The following MGA variants were observed in gnomAD, a reference collection of about 807,000 sequenced individuals.
The protein encoded by MGA is MAX gene-associated protein.
In MGA, 40 loss-of-function variants were observed where a neutral mutation model predicts 261.1. The observed-to-expected ratio is 0.15, with a 90% confidence interval of 0.12 to 0.20. The LOEUF is 0.20. Among genes scored for constraint, MGA ranks in the 10% least tolerant of loss-of-function variants. MGA has a pLI of 1.00. For synonymous variants in MGA, 1,302 were observed against 1,290.6 expected (o/e 1.01, Z -0.19); for missense variants, 3,397 against 3,630.5 (o/e 0.94, Z 1.65).
chr15:41,682,242 T>G (rs1264877383), intron 2 of MGA, among the ~76,000 whole-genome samples: 3 of 151,910 alleles, frequency 2.0e-5, no homozygotes, highest in Admixed American at 2.0e-4. Flanking sequence ...TAATAAAATC[T>G]TTTGGTTCAT....
intron 7 of MGA, among the ~76,000 whole-genome samples, chr15:41,709,293 A>T (rs2060266813): frequency 6.6e-6 from 1 of 152,000 alleles, no homozygotes; most frequent in African/African-American, 2.4e-5. Flanking sequence ...GGCTGCAGTG[A>T]GCCAAGATCA....
intron 2 of MGA, among the ~76,000 whole-genome samples, chr15:41,689,813 A>G (rs1242145279): frequency 6.6e-6 from 1 of 151,914 alleles, no homozygotes. Context: ...TGATCTGTCC[A>G]CCTCAGCCTC....
chr15:41,762,468 T>TTG, intron 22 of MGA, 106 bp downstream of exon 22: 1 of 577,648 alleles, frequency 1.7e-6, no homozygotes, highest in South Asian at 2.8e-5. Context: ...GTGGTTTTTT[T>TTG]TTTTTTTTTT....
At chr15:41,757,919 T>C in intron 19 of MGA, 80 bp downstream of exon 19, 5 of 1,241,278 alleles carry the variant, frequency 4.0e-6, no homozygotes, top group Non-Finnish European at 4.6e-6. Flanking sequence ...CAACATTAGC[T>C]ATATTAGCCA....
chr15:41,721,986 C>T (rs940746563), intron 9 of MGA, among the ~76,000 whole-genome samples: 1 of 151,926 alleles, frequency 6.6e-6, no homozygotes, highest in Admixed American at 6.6e-5. Context: ...AAATAACATA[C>T]CACAGTGAAA....
intron 18 of MGA, among the ~76,000 whole-genome samples, chr15:41,756,042 A>G (rs1445096049): frequency 6.6e-6 from 1 of 152,238 alleles, no homozygotes; most frequent in East Asian, 1.9e-4. Flanking sequence ...AGATTTAATT[A>G]GATTTGTTTA....
At chr15:41,636,507 C>G (rs148270471) in intron 1 of MGA, among the ~76,000 whole-genome samples, 2,133 of 149,112 alleles carry the variant, frequency 0.014, 38 homozygotes, top group South Asian at 0.068. Context: ...GTTGCCCAGG[C>G]TGGAGTACAG....
chr15:41,644,565 T>C (rs2056896512), intron 1 of MGA, among the ~76,000 whole-genome samples: 1 of 151,602 alleles, frequency 6.6e-6, no homozygotes, highest in Admixed American at 6.6e-5. Flanking sequence ...TGCTGAGACA[T>C]GAGAATCACT....
Position 41,748,833 on chromosome 15 carries a change from C to T in MGA, c.5409C>T (p.His1803=), listed in dbSNP as rs768321882. Reference sequence around the variant, plus strand: ...CAAGTGGAATGAACTTATTCAGGCACCCTAATGGGCAGATTGTCCAGCTTC... The same window carrying T: ...CAAGTGGAATGAACTTATTCAGGCATCCTAATGGGCAGATTGTCCAGCTTC... Residue 1803 remains histidine, a synonymous_variant, in exon 16 of 24, where the codon CAC becomes CAT. Transcript: ENST00000219905. 4 of 1,613,812 alleles carry T rather than the reference C, an allele frequency of 2.5e-6. No homozygotes were observed. The highest frequency in any genetic ancestry group is 2.2e-5 in the South Asian group (2 of 91,082).
At position 41,736,570 on chromosome 15, in the gene MGA, G is replaced by A; in HGVS notation, c.4306G>A (p.Ala1436Thr). The change falls in exon 13 of 24, where the codon GCC becomes ACC. Residue 1436 changes from alanine (A) to threonine (T), a missense_variant. Physicochemically the swap from Ala to Thr is moderately conservative, Grantham distance 58. Around this residue, in one of 9 missense-constraint regions of MGA, gnomAD observed 1,410 missense variants for 1,386.4 expected, o/e 1.02. Coordinates refer to ENST00000219905, the MANE Select transcript of MGA (RefSeq NM_001164273.2). ...GGATATCTCTCCTGTGCAGACAGATGCCCTGGATTCAGTGAGGGAGAGATT... is the reference window on the plus strand; with the variant it reads ...GGATATCTCTCCTGTGCAGACAGATACCCTGGATTCAGTGAGGGAGAGATT... 2 of 1,614,030 alleles carry A rather than the reference G, an allele frequency of 1.2e-6. No individual in the cohort carries two copies. The highest frequency in any genetic ancestry group is 1.7e-6 in the Non-Finnish European group (2 of 1,179,902).
At chr15:41,697,108 T>C in intron 3 of MGA, 85 bp downstream of exon 3, 1 of 1,162,660 alleles carries the variant, frequency 8.6e-7, no homozygotes, top group Non-Finnish European at 1.2e-6. Flanking sequence ...CGATTTACAA[T>C]CTAGTTTTGT....
intron 6 of MGA, 74 bp from the exon 7 acceptor site, chr15:41,708,030 T>G: frequency 7.2e-7 from 1 of 1,387,170 alleles, no homozygotes; most frequent in Admixed American, 2.6e-5. Context: ...CAAATTAAAG[T>G]TTTATTAATT....
intron 4 of MGA, 43 bp from the exon 5 acceptor site, chr15:41,699,021 A>G: frequency 1.3e-6 from 2 of 1,565,136 alleles, no homozygotes; most frequent in South Asian, 2.3e-5. Flanking sequence ...ATTTGTCTGT[A>G]GTGTACAGTA....
intron 1 of MGA, among the ~76,000 whole-genome samples, chr15:41,621,884 C>T (rs1371477229): frequency 1.3e-5 from 2 of 152,114 alleles, no homozygotes; most frequent in Non-Finnish European, 2.9e-5. Context: ...AAATTCTGGC[C>T]GCGGCTTTTC....
chr15:41,709,759 G>A (rs1374966331), intron 7 of MGA, among the ~76,000 whole-genome samples: 6 of 150,528 alleles, frequency 4.0e-5, no homozygotes, highest in African/African-American at 1.5e-4. Context: ...TAATCTTTTG[G>A]CATTCTGTTG....
intron 1 of MGA, among the ~76,000 whole-genome samples, chr15:41,645,025 T>C (rs1361059705): frequency 6.6e-6 from 1 of 152,264 alleles, no homozygotes; most frequent in Non-Finnish European, 1.5e-5. Context: ...TTAGTACTTT[T>C]TCATTTTGGT....
Position 41,757,708 on chromosome 15 carries a change from A to T in MGA, c.7140-80A>T, listed in dbSNP as rs117858550. The T allele has an allele frequency of 1.6e-4, 172 of 1,101,932 alleles. No homozygotes were observed. In the East Asian group the frequency reaches 4.1e-3, roughly 26 times the overall value. 68.3% of individuals were successfully genotyped at this position (1,101,932 alleles called of 1,614,324 possible). On this transcript the variant is annotated intron_variant, in intron 18 of 23. Coordinates refer to ENST00000219905, the MANE Select transcript of MGA (RefSeq NM_001164273.2). ...GAAAAAGAAACTGGTTGTAATTTGG[A>T]ATGGTTTGGTTGTAGCTGTGAAATA...
chr15:41,651,222 G>A (rs1388660180), intron 1 of MGA, among the ~76,000 whole-genome samples: 1 of 152,150 alleles, frequency 6.6e-6, no homozygotes, highest in Non-Finnish European at 1.5e-5. Context: ...CCTCCCAACT[G>A]TTGTGTTAGA....
At chr15:41,698,262 G>A (rs1595766779) in intron 3 of MGA, among the ~76,000 whole-genome samples, 4 of 142,758 alleles carry the variant, frequency 2.8e-5, no homozygotes, top group Admixed American at 7.4e-5. Context: ...TCTGTTTCCC[G>A]GGTTCAAGCA....
Sources: gnomAD v4.1 joint callset for allele counts (sites outside exome capture counted in the v4.1 genomes callset) on GRCh38, gnomAD v4.1.1 for gene constraint, gnomAD v4.1.1 regional missense constraint, MANE v1.5 for transcripts, NCBI Gene and HGNC (gene_info 2026-07-23, HGNC 2026-07-21) for gene names.